Variants in TRPC4 observed in about 807,000 individuals in gnomAD.
TRPC4 encodes the protein short transient receptor potential channel 4.
Under a neutral mutation model 99.4 loss-of-function variants are expected in TRPC4, and 49 were observed. The observed-to-expected ratio is 0.49, with a 90% confidence interval of 0.39 to 0.63. The LOEUF is 0.63. TRPC4 is among the 20% of genes least tolerant of loss of function. The probability of loss-of-function intolerance (pLI) is 0.00; values close to 1 mark genes in which losing one functional copy is unlikely to be tolerated. For synonymous variants in TRPC4, 454 were observed against 425.9 expected (o/e 1.07, Z -0.81); for missense variants, 898 against 1,152.9 (o/e 0.78, Z 3.20).
intron 1 of TRPC4, among the ~76,000 whole-genome samples, chr13:37,843,948 C>T (rs535895635): frequency 2.6e-5 from 4 of 152,302 alleles, no homozygotes; most frequent in East Asian, 1.9e-4. Flanking sequence ...GATTGTGCCA[C>T]CCCTCTCCCA....
At chr13:37,745,544 A>ATG (rs1566138822) in intron 3 of TRPC4, among the ~76,000 whole-genome samples, 8 of 141,084 alleles carry the variant, frequency 5.7e-5, no homozygotes, top group African/African-American at 1.8e-4. Context: ...ATACGTATAT[A>ATG]TATATATATA....
intron 3 of TRPC4, among the ~76,000 whole-genome samples, chr13:37,697,125 C>T (rs1057067985): frequency 1.3e-5 from 2 of 152,036 alleles, no homozygotes; most frequent in African/African-American, 4.8e-5. Context: ...TTATTTTCAC[C>T]TGCCTTTCCA....
chr13:37,791,060 G>A (rs774263678), intron 1 of TRPC4, among the ~76,000 whole-genome samples: 5 of 151,998 alleles, frequency 3.3e-5, no homozygotes, highest in Non-Finnish European at 7.4e-5. Flanking sequence ...TTTACTTATA[G>A]ACCATGTTTA....
At chr13:37,853,491 C>T (rs1237865947) in intron 1 of TRPC4, among the ~76,000 whole-genome samples, 1 of 152,092 alleles carries the variant, frequency 6.6e-6, no homozygotes, top group Non-Finnish European at 1.5e-5. Context: ...ACAATAAACA[C>T]CTAACTGTTC....
chr13:37,762,659 T>C (rs1392111559), intron 2 of TRPC4, among the ~76,000 whole-genome samples: 2 of 138,426 alleles, frequency 1.4e-5, no homozygotes, highest in Middle Eastern at 8.2e-3. Flanking sequence ...CATGTGGGAA[T>C]TGAACAATGA....
At chr13:37,866,723 G>A (rs945230231) in intron 1 of TRPC4, among the ~76,000 whole-genome samples, 2 of 151,392 alleles carry the variant, frequency 1.3e-5, no homozygotes, top group Admixed American at 1.3e-4. Context: ...CCTCTGGAAG[G>A]GTGAGAAATA....
chr13:37,706,273 T>A (rs997239956), intron 3 of TRPC4, among the ~76,000 whole-genome samples: 1 of 152,162 alleles, frequency 6.6e-6, no homozygotes, highest in South Asian at 2.1e-4. Flanking sequence ...CAGAAAACCC[T>A]GGTTGAAGTC....
intron 3 of TRPC4, among the ~76,000 whole-genome samples, chr13:37,696,931 TTTA>T (rs1953922366): frequency 6.6e-6 from 1 of 151,612 alleles, no homozygotes; most frequent in Non-Finnish European, 1.5e-5. Context: ...TTTTTTTTTT[TTTA>T]AATCTTTTAT....
intron 1 of TRPC4, among the ~76,000 whole-genome samples, chr13:37,805,745 G>T (rs1203467603): frequency 6.6e-6 from 1 of 151,896 alleles, no homozygotes; most frequent in Non-Finnish European, 1.5e-5. Flanking sequence ...TTGTACTTTA[G>T]ATTTTACAAT....
chr13:37,867,142 A>T (rs911735036), intron 1 of TRPC4, among the ~76,000 whole-genome samples: 14 of 151,914 alleles, frequency 9.2e-5, no homozygotes, highest in Admixed American at 1.3e-4. Context: ...AAATACAACA[A>T]TCATATTTTC....
intron 2 of TRPC4, among the ~76,000 whole-genome samples, chr13:37,755,460 C>A (rs536403997): frequency 1.3e-5 from 2 of 151,708 alleles, no homozygotes; most frequent in African/African-American, 4.8e-5. Flanking sequence ...TTAGTAGAGA[C>A]AGGGTCTCAC....
intron 4 of TRPC4, among the ~76,000 whole-genome samples, chr13:37,691,653 G>A (rs1953715928): frequency 6.6e-6 from 1 of 152,076 alleles, no homozygotes; most frequent in Non-Finnish European, 1.5e-5. Flanking sequence ...ACTTTTAGAA[G>A]ACTTATCTAT....
At chr13:37,744,780 A>G (rs1955690290) in intron 3 of TRPC4, among the ~76,000 whole-genome samples, 1 of 152,286 alleles carries the variant, frequency 6.6e-6, no homozygotes, top group South Asian at 2.1e-4. Flanking sequence ...GATAATTACT[A>G]TCATTTAAGA....
At chr13:37,775,330 G>A (rs1015735565) in intron 2 of TRPC4, among the ~76,000 whole-genome samples, 7 of 151,636 alleles carry the variant, frequency 4.6e-5, no homozygotes, top group Non-Finnish European at 8.8e-5. Context: ...GCTAGGCATA[G>A]AACCTGGTGA....
intron 3 of TRPC4, among the ~76,000 whole-genome samples, chr13:37,739,592 G>A (rs1302672049): frequency 1.4e-5 from 2 of 146,274 alleles, no homozygotes; most frequent in Non-Finnish European, 3.0e-5. Flanking sequence ...TGCCACCTCC[G>A]CTTCCTGGGT....
chr13:37,863,713 A>G (rs1482767731), intron 1 of TRPC4, among the ~76,000 whole-genome samples: 3 of 151,442 alleles, frequency 2.0e-5, no homozygotes, highest in Non-Finnish European at 4.4e-5. Context: ...TCTGTTCTTC[A>G]CTCCATGTAC....
chr13:37,826,952 C>T (rs944876446), intron 1 of TRPC4, among the ~76,000 whole-genome samples: 1 of 152,102 alleles, frequency 6.6e-6, no homozygotes, highest in African/African-American at 2.4e-5. Flanking sequence ...TCCCATATTT[C>T]TTGGAGGCTT....
At chr13:37,868,834 C>T (rs148318049) in intron 1 of TRPC4, among the ~76,000 whole-genome samples, 1 of 152,102 alleles carries the variant, frequency 6.6e-6, no homozygotes, top group Non-Finnish European at 1.5e-5. Flanking sequence ...ATAAGAGATC[C>T]CTTTCCTCAG....
At chr13:37,807,616 T>G (rs1957559528) in intron 1 of TRPC4, among the ~76,000 whole-genome samples, 1 of 151,990 alleles carries the variant, frequency 6.6e-6, no homozygotes, top group African/African-American at 2.4e-5. Flanking sequence ...TCCACCTCGC[T>G]ATAGAAAAGG....
Sources: gnomAD v4.1 joint callset for allele counts (sites outside exome capture counted in the v4.1 genomes callset) on GRCh38, gnomAD v4.1.1 for gene constraint, MANE v1.5 for transcripts, NCBI Gene and HGNC (gene_info 2026-07-23, HGNC 2026-07-21) for gene names.